The following UGT2B11 variants were observed in gnomAD, a reference collection of about 807,000 sequenced individuals.
UGT2B11 encodes the protein UDP-glucuronosyltransferase 2B11.
A neutral mutation model predicts 51.7 loss-of-function variants in UGT2B11; 49 were observed. The ratio of observed to expected loss-of-function variants is 0.95; its 90% CI spans 0.75 to 1.20. UGT2B11 has a LOEUF of 1.20. Ranked by LOEUF, UGT2B11 falls within the 50% of genes most tolerant of loss-of-function variation. The pLI is 0.00. For missense variants in UGT2B11, 810 were observed against 622.1 expected (o/e 1.30, Z -3.21); for synonymous variants, 273 against 209.0 (o/e 1.31, Z -2.64).
chr4:69,222,798 A>G, the UGT2B11 span, among the ~76,000 whole-genome samples: 1 of 152,212 alleles, frequency 6.6e-6, no homozygotes, highest in Middle Eastern at 3.2e-3. Flanking sequence ...GGGCATGCAC[A>G]TGAATGGGCC....
intron 2 of UGT2B11, among the ~76,000 whole-genome samples, chr4:69,210,389 C>A (rs1471375122): frequency 6.6e-6 from 1 of 151,434 alleles, no homozygotes; most frequent in African/African-American, 2.4e-5. Context: ...GTGTCTTATT[C>A]TCTTAAAATA....
chr4:69,203,169 A>G (rs1721722213), intron 5 of UGT2B11, among the ~76,000 whole-genome samples: 1 of 151,746 alleles, frequency 6.6e-6, no homozygotes, highest in Non-Finnish European at 1.5e-5. Flanking sequence ...CTTAATAATA[A>G]GACAAATAGA....
At position 69,204,478 on chromosome 4, in the gene UGT2B11, G is replaced by A. The variant is rs143674057; in HGVS notation, c.1262C>T (p.Ser421Leu). ...AAVRLDFNTM[S>L]STDLLNALKT... ...CAGTGCATTCAGCAGGTCTGTACTC[G>A]ACATTGTGTTGAAGTCCAATCTAAC... The change falls in exon 5 of 6, where the codon TCG becomes TTG. Residue 421 changes from serine to leucine, a missense_variant. Transcript: ENST00000446444. The A allele has an allele frequency of 6.8e-6, 11 of 1,611,938 alleles. No homozygotes were observed. The African/African-American group carries it at 9.4e-5, about 14-fold the overall frequency.
intron 5 of UGT2B11, among the ~76,000 whole-genome samples, chr4:69,201,598 G>A (rs529887013): frequency 1.3e-4 from 19 of 151,750 alleles, no homozygotes; most frequent in Non-Finnish European, 1.8e-4. Context: ...AACTTTACAC[G>A]TTTTGACCCT....
intron 5 of UGT2B11, among the ~76,000 whole-genome samples, chr4:69,203,721 T>A (rs1261034409): frequency 2.0e-5 from 3 of 151,762 alleles, no homozygotes; most frequent in Admixed American, 6.6e-5. Flanking sequence ...CAACAAAAAA[T>A]TAGGCTATGT....
Position 69,206,415 on chromosome 4 carries a change from C to A in UGT2B11, c.1003-848G>T, listed in dbSNP as rs139619982. 1.6e-3 allele frequency among the ~76,000 whole-genome samples: 237 copies of A among 151,574 alleles called. 1 individual carries two copies. The highest frequency in any genetic ancestry group is 5.4e-3 in the African/African-American group (225 of 41,430). Reference sequence around the variant, plus strand: ...ACATGTCCTCACTTATGAGTGGAAGCTAAAAGATGAGAACACGTGGACACA... The same window carrying A: ...ACATGTCCTCACTTATGAGTGGAAGATAAAAGATGAGAACACGTGGACACA... On this transcript the variant is annotated intron_variant, in intron 3 of 5. Coordinates refer to ENST00000446444, the MANE Select transcript of UGT2B11 (RefSeq NM_001073.3).
chr4:69,208,276 T>C, intron 3 of UGT2B11, 75 bp downstream of exon 3: 1 of 1,591,108 alleles, frequency 6.3e-7, no homozygotes, highest in Non-Finnish European at 8.5e-7. Flanking sequence ...ACTCTTAATA[T>C]TCTTTCTATG....
At chr4:69,224,307 A>G in the UGT2B11 span, among the ~76,000 whole-genome samples, 7 of 152,156 alleles carry the variant, frequency 4.6e-5, no homozygotes, top group African/African-American at 1.4e-4. Context: ...TGGAGGGGCC[A>G]TGGTCTCAAC....
chr4:69,204,659 G>C lies in UGT2B11; in HGVS notation c.1091-10C>G. ...CTGGTTTTTGGATGACCTAGGATTG[G>C]ATGAATTTTAGCAAAATTATTCATA... On this transcript the variant is annotated splice_polypyrimidine_tract_variant and intron_variant, in intron 4 of 5. Transcript: ENST00000446444. 1.2e-6 allele frequency: 2 copies of C among 1,611,088 alleles called. No individual in the cohort carries two copies. The highest frequency in any genetic ancestry group is 1.7e-6 in the Non-Finnish European group (2 of 1,178,318).
the UGT2B11 span, among the ~76,000 whole-genome samples, chr4:69,221,473 C>G: frequency 6.6e-6 from 1 of 152,288 alleles, no homozygotes; most frequent in Non-Finnish European, 1.5e-5. Context: ...AAGGCCCAGA[C>G]CTCGAAGTTG....
At chr4:69,221,932 T>C in the UGT2B11 span, among the ~76,000 whole-genome samples, 1 of 152,248 alleles carries the variant, frequency 6.6e-6, no homozygotes, top group South Asian at 2.1e-4. Flanking sequence ...AGTGCACCAA[T>C]TGCACATGGG....
chr4:69,206,633 A>T (rs990003332), intron 3 of UGT2B11, among the ~76,000 whole-genome samples: 3 of 151,718 alleles, frequency 2.0e-5, no homozygotes, highest in Admixed American at 1.3e-4. Flanking sequence ...AAAGTTAAAA[A>T]TAAAAGTTAA....
At chr4:69,222,035 CCT>C in the UGT2B11 span, among the ~76,000 whole-genome samples, 81 of 152,274 alleles carry the variant, frequency 5.3e-4, no homozygotes, top group Middle Eastern at 0.014. Context: ...ATTGGCCTCT[CCT>C]CTCTTGATTC....
intron 2 of UGT2B11, among the ~76,000 whole-genome samples, chr4:69,208,818 A>ATAAG (rs1266620446): frequency 5.3e-5 from 8 of 151,624 alleles, no homozygotes; most frequent in Non-Finnish European, 1.2e-4. Context: ...AATTACTAAT[A>ATAAG]TAAGTTCTTG....
chr4:69,223,835 A>T, the UGT2B11 span, among the ~76,000 whole-genome samples: 1 of 152,058 alleles, frequency 6.6e-6, no homozygotes, highest in Non-Finnish European at 1.5e-5. Context: ...CTTCCTTCCA[A>T]TACCAACTAT....
chr4:69,206,304 CA>C (rs1721853729), intron 3 of UGT2B11, among the ~76,000 whole-genome samples: 1 of 149,564 alleles, frequency 6.7e-6, no homozygotes, highest in Non-Finnish European at 1.5e-5. Flanking sequence ...ATAAAAAAAA[CA>C]AAAATATGTA....
chr4:69,207,373 T>G (rs1721897152), intron 3 of UGT2B11, among the ~76,000 whole-genome samples: 1 of 151,622 alleles, frequency 6.6e-6, no homozygotes, highest in South Asian at 2.1e-4. Flanking sequence ...AAGTTAGAGG[T>G]CATTACAAGA....
At chr4:69,222,021 G>A in the UGT2B11 span, among the ~76,000 whole-genome samples, 3 of 152,394 alleles carry the variant, frequency 2.0e-5, no homozygotes, top group Non-Finnish European at 2.9e-5. Context: ...AGTCCTACTA[G>A]GCAATTGGCC....
chr4:69,217,999 C>A (rs4280807), upstream of UGT2B11, among the ~76,000 whole-genome samples: 18,813 of 152,088 alleles, frequency 0.12, 1,387 homozygotes, highest in East Asian at 0.27. Flanking sequence ...TAAACACCTC[C>A]TAAAAGGTTC....
Sources: allele counts gnomAD v4.1 joint callset (sites outside exome capture counted in the v4.1 genomes callset), GRCh38; gene constraint gnomAD v4.1.1; transcripts MANE v1.5; gene names NCBI Gene and HGNC (gene_info 2026-07-23, HGNC 2026-07-21).